NEDD9: variants seen among roughly 807,000 people sequenced by gnomAD.
NEDD9 encodes enhancer of filamentation 1.
Under a neutral mutation model 76.6 loss-of-function variants are expected in NEDD9, and 26 were observed. The observed-to-expected ratio is 0.34, with a 90% CI of 0.25 to 0.47. The LOEUF is 0.47. Ranked by LOEUF, NEDD9 falls within the 20% of genes least tolerant of loss-of-function variation. NEDD9 has a pLI of 1.00. For missense variants in NEDD9, 937 were observed against 1,058.5 expected (o/e 0.89, Z 1.59); for synonymous variants, 392 against 414.2 (o/e 0.95, Z 0.65).
intron 2 of NEDD9, among the ~76,000 whole-genome samples, chr6:11,312,128 C>G (rs774283150): frequency 1.3e-5 from 2 of 152,128 alleles, no homozygotes; most frequent in Non-Finnish European, 2.9e-5. Flanking sequence ...ACCTGTCTCT[C>G]CAGCCCAAGC....
chr6:11,378,877 A>G (rs146832848), intron 1 of NEDD9, among the ~76,000 whole-genome samples: 1 of 152,316 alleles, frequency 6.6e-6, no homozygotes, highest in Non-Finnish European at 1.5e-5. Flanking sequence ...CTCAGCTCAC[A>G]TTGCTGAGTT....
intron 1 of NEDD9, among the ~76,000 whole-genome samples, chr6:11,362,480 C>A (rs1425271969): frequency 2.0e-5 from 3 of 152,058 alleles, no homozygotes; most frequent in Non-Finnish European, 2.9e-5. Context: ...TAGTAGCAAC[C>A]AGGGCTACCA....
At chr6:11,333,904 T>C (rs1762098393) in intron 2 of NEDD9, among the ~76,000 whole-genome samples, 1 of 152,216 alleles carries the variant, frequency 6.6e-6, no homozygotes, top group African/African-American at 2.4e-5. Flanking sequence ...TGCCACCTCC[T>C]TTTCACAAGA....
intron 3 of NEDD9, among the ~76,000 whole-genome samples, chr6:11,282,746 A>G (rs2113360555): frequency 6.6e-6 from 1 of 152,228 alleles, no homozygotes; most frequent in African/African-American, 2.4e-5. Flanking sequence ...CATCTAAGCC[A>G]CCAATATCTC....
chr6:11,263,516 C>A (rs1398640581), intron 3 of NEDD9, among the ~76,000 whole-genome samples: 1 of 152,152 alleles, frequency 6.6e-6, no homozygotes, highest in Non-Finnish European at 1.5e-5. Flanking sequence ...ATCTGTCTGG[C>A]GCATGGATGG....
rs967770007 is a variant in NEDD9, at chr6:11,184,497, A to G, written c.*665T>C. ...AACTGTGGTCCTGGCCTCTAAACAC[A>G]CAGGTCTCTCTTCCCTCCAGCACCT... On this transcript the variant is annotated 3_prime_UTR_variant, in exon 7 of 7. Coordinates refer to ENST00000379446, the MANE Select transcript of NEDD9 (RefSeq NM_006403.4). The G allele has an allele frequency of 1.5e-4, 23 of 152,334 alleles. No homozygotes were observed. Among genetic ancestry groups the G allele is most frequent in the Admixed American group, 1.4e-3 (21 of 15,298 alleles). 9.4% of individuals were successfully genotyped at this position (152,334 alleles called of 1,614,324 possible). A position where few individuals can be genotyped will look rare whatever the true frequency, so the allele number is the denominator to read the frequency against.
intron 3 of NEDD9, among the ~76,000 whole-genome samples, chr6:11,302,550 A>G (rs962917739): frequency 6.6e-6 from 1 of 152,232 alleles, no homozygotes; most frequent in African/African-American, 2.4e-5. Flanking sequence ...AAAGCCTGGT[A>G]GAGACACAAC....
In NEDD9 at chr6:11,185,137, A is replaced by T. The variant is rs1225686725; in HGVS notation, c.*25T>A. On this transcript the variant is annotated 3_prime_UTR_variant, in exon 7 of 7. Coordinates refer to ENST00000379446, the MANE Select transcript of NEDD9 (RefSeq NM_006403.4). ...AGTTTTCCTTAGTAACCGTTAACGCAGTCCCCTTCCTCTTTTTTTTCTTCT... is the reference window on the plus strand; with the variant it reads ...AGTTTTCCTTAGTAACCGTTAACGCTGTCCCCTTCCTCTTTTTTTTCTTCT... 6.3e-7 allele frequency: 1 copy of T among 1,595,720 alleles called. No homozygotes were observed. Among genetic ancestry groups the T allele is most frequent in the Non-Finnish European group, 8.6e-7 (1 of 1,167,254 alleles).
At chr6:11,201,107 G>A (rs1758441137) in intron 2 of NEDD9, 1 of 1,591,456 alleles carries the variant, frequency 6.3e-7, no homozygotes, top group African/African-American at 1.3e-5. Context: ...CTTGTTCAAG[G>A]TCTCAGCAAG....
chr6:11,326,340 A>C (rs1353646855), intron 2 of NEDD9, among the ~76,000 whole-genome samples: 2 of 152,176 alleles, frequency 1.3e-5, no homozygotes, highest in Non-Finnish European at 2.9e-5. Flanking sequence ...GTGGGACTCC[A>C]CCAAAATTGC....
rs899683840 is a variant in NEDD9, at chr6:11,305,221, T to G, written c.12+771A>C. Reference sequence around the variant, plus strand: ...TAAGGGAATTTACCTTTTTTCATTTTGAGCATGAGTTACTCTATGTGCATT... The same window carrying G: ...TAAGGGAATTTACCTTTTTTCATTTGGAGCATGAGTTACTCTATGTGCATT... On this transcript the variant is annotated intron_variant, in intron 3 of 3. Coordinates refer to the NEDD9 transcript ENST00000397378. The G allele has an allele frequency of 4.9e-6, 5 of 1,012,112 alleles. 1 individual carries two copies. Among genetic ancestry groups the G allele is most frequent in the Non-Finnish European group, 6.7e-6 (5 of 749,578 alleles). 62.7% of individuals were successfully genotyped at this position (1,012,112 alleles called of 1,614,324 possible).
chr6:11,321,197 G>A (rs201349964), intron 2 of NEDD9, among the ~76,000 whole-genome samples: 2 of 144,618 alleles, frequency 1.4e-5, no homozygotes, highest in Non-Finnish European at 3.0e-5. Flanking sequence ...AAGAAGGAAG[G>A]AGGGAGGGAA....
intron 3 of NEDD9, among the ~76,000 whole-genome samples, chr6:11,238,362 C>T (rs1759650016): frequency 6.6e-6 from 1 of 152,184 alleles, no homozygotes; most frequent in Admixed American, 6.5e-5. Context: ...TATATTGCTG[C>T]CATTCTCTTC....
rs1464260613 is a variant in NEDD9 at position 11,213,768 on chromosome 6, G to T, written c.13-41C>A. 1.9e-6 allele frequency: 3 copies of T among 1,591,488 alleles called. No homozygotes were observed. The highest frequency in any genetic ancestry group is 1.1e-5 in the South Asian group (1 of 89,362). Reference sequence around the variant, plus strand: ...GAGAAGGAAACCGTGTTAGAATATTGGGTCGGTCCCTTTATCACCTAAGGC... The same window carrying T: ...GAGAAGGAAACCGTGTTAGAATATTTGGTCGGTCCCTTTATCACCTAAGGC... On this transcript the variant is annotated intron_variant, in intron 1 of 6. Coordinates refer to ENST00000379446, the MANE Select transcript of NEDD9 (RefSeq NM_006403.4). The surrounding 1 kb of genome is among the most constrained non-coding windows in gnomAD (Gnocchi z 5.4).
At chr6:11,338,237 A>G (rs752205876) in intron 1 of NEDD9, among the ~76,000 whole-genome samples, 2 of 152,230 alleles carry the variant, frequency 1.3e-5, no homozygotes, top group African/African-American at 2.4e-5. Flanking sequence ...ACAGTGACAC[A>G]TGAACATGAA....
upstream of NEDD9, among the ~76,000 whole-genome samples, chr6:11,236,917 C>A (rs546828340): frequency 6.6e-6 from 1 of 152,306 alleles, no homozygotes; most frequent in Admixed American, 6.5e-5. The surrounding 1 kb of genome is among the most constrained non-coding windows in gnomAD (Gnocchi z 5.5). Flanking sequence ...CTACCGCCGA[C>A]CCCCATCCCA....
At chr6:11,273,287 A>G (rs2113345293) in intron 3 of NEDD9, among the ~76,000 whole-genome samples, 1 of 152,396 alleles carries the variant, frequency 6.6e-6, no homozygotes, top group South Asian at 2.1e-4. Flanking sequence ...TAATAGATAT[A>G]TTCTTGAAAA....
At chr6:11,294,006 A>AGTGTGTGTGTGTGTGT (rs57803150) in intron 3 of NEDD9, among the ~76,000 whole-genome samples, 7 of 150,956 alleles carry the variant, frequency 4.6e-5, no homozygotes, top group Non-Finnish European at 8.9e-5. Flanking sequence ...CCATTGTGTA[A>AGTGTGTGTGTGTGTGT]GTGTGTGTGT....
intron 3 of NEDD9, among the ~76,000 whole-genome samples, chr6:11,280,727 C>T (rs887205490): frequency 6.6e-6 from 1 of 152,252 alleles, no homozygotes; most frequent in African/African-American, 2.4e-5. Context: ...GTTGGGGGCC[C>T]CACGCTTGGA....
Sources: allele counts gnomAD v4.1 joint callset (sites outside exome capture counted in the v4.1 genomes callset), GRCh38; gene constraint gnomAD v4.1.1; non-coding constraint Gnocchi (gnomAD v3.1); transcripts MANE v1.5; gene names NCBI Gene and HGNC (gene_info 2026-07-23, HGNC 2026-07-21).